PDE8B: variants seen among roughly 807,000 people sequenced by gnomAD.
PDE8B encodes the protein phosphodiesterase 8B, also known as high affinity cAMP-specific and IBMX-insensitive 3',5'-cyclic phosphodiesterase 8B.
A neutral mutation model predicts 101.3 loss-of-function variants in PDE8B; 26 were observed. The ratio of observed to expected loss-of-function variants is 0.26; its 90% CI spans 0.19 to 0.36. The LOEUF is 0.36. PDE8B is among the 10% of genes least tolerant of loss of function. PDE8B has a pLI of 1.00. For synonymous variants in PDE8B, 424 were observed against 429.3 expected (o/e 0.99, Z 0.15); for missense variants, 810 against 1,163.1 (o/e 0.70, Z 4.42).
At chr5:77,334,246 G>T (rs1461364295) in intron 5 of PDE8B, among the ~76,000 whole-genome samples, 1 of 152,182 alleles carries the variant, frequency 6.6e-6, no homozygotes, top group Non-Finnish European at 1.5e-5. Flanking sequence ...TAGCTAATTG[G>T]CTGGTGCTTC....
At chr5:77,159,674 C>T in the PDE8B span, among the ~76,000 whole-genome samples, 28 of 152,106 alleles carry the variant, frequency 1.8e-4, no homozygotes, top group Non-Finnish European at 3.5e-4. Flanking sequence ...TACAGGTAGC[C>T]CCTGCTCTCC....
At chr5:77,361,173 A>G (rs979098696) in intron 10 of PDE8B, among the ~76,000 whole-genome samples, 2 of 152,210 alleles carry the variant, frequency 1.3e-5, no homozygotes, top group Non-Finnish European at 2.9e-5. Flanking sequence ...TGCCCTGCAC[A>G]CATCTTCCCA....
chr5:77,339,472 T>C (rs1778809453), intron 6 of PDE8B, among the ~76,000 whole-genome samples: 1 of 152,154 alleles, frequency 6.6e-6, no homozygotes, highest in Admixed American at 6.6e-5. Context: ...TGCATGATTT[T>C]ATGTGCATAT....
chr5:77,309,340 C>T (rs1026232196), intron 1 of PDE8B, among the ~76,000 whole-genome samples: 9 of 152,178 alleles, frequency 5.9e-5, no homozygotes, highest in Admixed American at 5.9e-4. Context: ...TTTGGACAGC[C>T]TGTGCCCTTC....
intron 5 of PDE8B, among the ~76,000 whole-genome samples, chr5:77,335,408 C>G (rs765389563): frequency 1.3e-5 from 2 of 152,146 alleles, no homozygotes; most frequent in Non-Finnish European, 2.9e-5. Context: ...TTATGGCTTC[C>G]TCTCCTTCCT....
At chr5:77,264,372 T>G (rs1437864612) in intron 1 of PDE8B, among the ~76,000 whole-genome samples, 1 of 152,238 alleles carries the variant, frequency 6.6e-6, no homozygotes, top group Non-Finnish European at 1.5e-5. Flanking sequence ...CCATTTTATA[T>G]TCCCATCAAC....
chr5:77,186,842 G>C, the PDE8B span, among the ~76,000 whole-genome samples: 2 of 152,144 alleles, frequency 1.3e-5, no homozygotes, highest in African/African-American at 4.8e-5. Context: ...GTGGGTAGTT[G>C]CTGGGCCTTC....
chr5:77,399,387 A>G (rs1468001904), intron 10 of PDE8B, among the ~76,000 whole-genome samples: 2 of 152,242 alleles, frequency 1.3e-5, no homozygotes, highest in Non-Finnish European at 2.9e-5. Flanking sequence ...GCTAAGCCAT[A>G]TTAATCTGCC....
intron 10 of PDE8B, among the ~76,000 whole-genome samples, chr5:77,370,906 ATTTTTCGTGTGCTATTGGTC>A (rs1343713759): frequency 6.6e-6 from 1 of 152,002 alleles, no homozygotes; most frequent in African/African-American, 2.4e-5. Flanking sequence ...ATGTTGAACA[ATTTTTCGTGTGCTATTGGTC>A]TTTTTTAAAT....
intron 2 of PDE8B, among the ~76,000 whole-genome samples, chr5:77,321,351 A>G (rs1237158446): frequency 6.6e-6 from 1 of 151,934 alleles, no homozygotes; most frequent in Non-Finnish European, 1.5e-5. Context: ...GGGTTTCTCC[A>G]TGTTGGTCAG....
intron 1 of PDE8B, among the ~76,000 whole-genome samples, chr5:77,279,001 CAA>C (rs950898519): frequency 3.3e-5 from 5 of 152,158 alleles, no homozygotes; most frequent in Admixed American, 2.6e-4. Flanking sequence ...ACTACTGAAA[CAA>C]AGTGAATATA....
At position 77,390,202 on chromosome 5, in the gene PDE8B, C is replaced by A. The variant is rs182793218; in HGVS notation, c.1168-10046C>A. On this transcript the variant is annotated intron_variant, in intron 10 of 21. Coordinates refer to ENST00000264917, the MANE Select transcript of PDE8B (RefSeq NM_003719.5). ...TGCACACATACACACAAATACCTAACTCAGAATTAATAGTGCTTTTTAGAA... is the reference window on the plus strand; with the variant it reads ...TGCACACATACACACAAATACCTAAATCAGAATTAATAGTGCTTTTTAGAA... Among the ~76,000 whole-genome samples the A allele has an allele frequency of 2.2e-3, 342 of 152,292 alleles. 1 individual carries two copies. The highest frequency in any genetic ancestry group is 4.1e-3 in the Non-Finnish European group (282 of 68,036).
rs1183558688 is a variant in PDE8B at position 77,428,099 on chromosome 5, T to C, written c.*1545T>C. ...TTAGATGATAAGAGAACTTGCTTGG[T>C]CAGGACAGCAGCCAGCTTTGTATTG... On this transcript the variant is annotated 3_prime_UTR_variant, in exon 22 of 22. Coordinates refer to ENST00000264917, the MANE Select transcript of PDE8B (RefSeq NM_003719.5). 2 of 152,218 alleles carry C rather than the reference T, an allele frequency of 1.3e-5. No individual in the cohort carries two copies. The highest frequency in any genetic ancestry group is 4.8e-5 in the African/African-American group (2 of 41,466). 9.4% of individuals were successfully genotyped at this position (152,218 alleles called of 1,614,324 possible).
At chr5:77,241,948 C>G (rs1034779102) in intron 1 of PDE8B, among the ~76,000 whole-genome samples, 1 of 152,196 alleles carries the variant, frequency 6.6e-6, no homozygotes, top group Admixed American at 6.5e-5. Context: ...GCAAAACTTT[C>G]TCATGGTTCA....
chr5:77,106,785 T>C, the PDE8B span, among the ~76,000 whole-genome samples: 2 of 152,184 alleles, frequency 1.3e-5, no homozygotes, highest in Non-Finnish European at 2.9e-5. Flanking sequence ...CAATGTTTTA[T>C]AGTTTTCAGT....
At chr5:77,214,749 G>C (rs143424084) in intron 1 of PDE8B, among the ~76,000 whole-genome samples, 1 of 152,004 alleles carries the variant, frequency 6.6e-6, no homozygotes. Context: ...CAAACTTTAC[G>C]CAAGAATCAC....
chr5:77,167,147 A>G, the PDE8B span, among the ~76,000 whole-genome samples: 1 of 152,264 alleles, frequency 6.6e-6, no homozygotes, highest in African/African-American at 2.4e-5. Context: ...ATCCTGTGAC[A>G]TGGCTCTAAG....
At chr5:77,252,354 C>T (rs1429353801) in intron 1 of PDE8B, among the ~76,000 whole-genome samples, 2 of 152,160 alleles carry the variant, frequency 1.3e-5, no homozygotes, top group Non-Finnish European at 2.9e-5. Flanking sequence ...CTTTTTCTAC[C>T]AAATTAGCAA....
chr5:77,271,681 G>A (rs1177804290), intron 1 of PDE8B, among the ~76,000 whole-genome samples: 1 of 152,170 alleles, frequency 6.6e-6, no homozygotes, highest in Non-Finnish European at 1.5e-5. Context: ...CAGATGGAAG[G>A]AAGTGAAAGG....
Sources: gnomAD v4.1 joint callset for allele counts (sites outside exome capture counted in the v4.1 genomes callset) on GRCh38, gnomAD v4.1.1 for gene constraint, MANE v1.5 for transcripts, NCBI Gene and HGNC (gene_info 2026-07-23, HGNC 2026-07-21) for gene names.